The following MOB3B variants were observed in gnomAD, a reference collection of about 807,000 sequenced individuals.
The protein encoded by MOB3B is MOB kinase activator-like 2B.
In MOB3B, 7 loss-of-function variants were observed where a neutral mutation model predicts 18.7. The observed-to-expected ratio is 0.37, with a 90% CI of 0.21 to 0.70. The LOEUF is 0.70. Ranked by LOEUF, MOB3B falls within the 30% of genes least tolerant of loss-of-function variation. The pLI is 0.52. For missense variants in MOB3B, 253 were observed against 281.3 expected (o/e 0.90, Z 0.72); for synonymous variants, 111 against 99.9 (o/e 1.11, Z -0.66).
chr9:27,384,452 C>G (rs1163773623), intron 2 of MOB3B, among the ~76,000 whole-genome samples: 1 of 152,046 alleles, frequency 6.6e-6, no homozygotes, highest in Non-Finnish European at 1.5e-5. Flanking sequence ...AATCTCAATC[C>G]ATTCATCTTG....
intron 2 of MOB3B, among the ~76,000 whole-genome samples, chr9:27,426,644 C>T (rs1381824797): frequency 2.6e-5 from 4 of 152,224 alleles, no homozygotes; most frequent in African/African-American, 9.7e-5. Flanking sequence ...AGTCCAGGCT[C>T]AGCTGATATC....
chr9:27,492,134 G>A (rs1331378208), intron 1 of MOB3B, among the ~76,000 whole-genome samples: 1 of 152,160 alleles, frequency 6.6e-6, no homozygotes, highest in East Asian at 1.9e-4. Flanking sequence ...ATTGCTGTTT[G>A]TGCCTGTTTG....
intron 1 of MOB3B, chr9:27,524,749 A>G: frequency 6.2e-7 from 1 of 1,613,968 alleles, no homozygotes; most frequent in Non-Finnish European, 8.5e-7. Context: ...GAAAATGAAG[A>G]CATGAAAGAA....
chr9:27,347,562 G>A (rs1223698037), intron 3 of MOB3B, among the ~76,000 whole-genome samples: 1 of 152,170 alleles, frequency 6.6e-6, no homozygotes, highest in African/African-American at 2.4e-5. Flanking sequence ...GCCAGCAGGG[G>A]GTAACAAAAA....
At chr9:27,370,053 C>A (rs560437273) in intron 2 of MOB3B, among the ~76,000 whole-genome samples, 11 of 151,504 alleles carry the variant, frequency 7.3e-5, no homozygotes, top group African/African-American at 2.7e-4. Flanking sequence ...GGTGGTTCTC[C>A]ATATGTAATT....
chr9:27,446,236 C>T (rs1822690745), intron 2 of MOB3B, among the ~76,000 whole-genome samples: 1 of 151,048 alleles, frequency 6.6e-6, no homozygotes, highest in African/African-American at 2.4e-5. Flanking sequence ...GGGAATACAT[C>T]TTTTTTTTTA....
chr9:27,403,873 G>T (rs563404137), intron 2 of MOB3B, among the ~76,000 whole-genome samples: 2 of 152,126 alleles, frequency 1.3e-5, no homozygotes, highest in Non-Finnish European at 2.9e-5. Flanking sequence ...AATGTGTAAT[G>T]ATCACATAAG....
intron 3 of MOB3B, among the ~76,000 whole-genome samples, chr9:27,344,111 A>C (rs1820997424): frequency 6.6e-6 from 1 of 152,190 alleles, no homozygotes; most frequent in African/African-American, 2.4e-5. Flanking sequence ...GAAAGGAAAA[A>C]AAAAACATAG....
intron 2 of MOB3B, among the ~76,000 whole-genome samples, chr9:27,387,733 A>T (rs1222706278): frequency 6.6e-6 from 1 of 152,186 alleles, no homozygotes; most frequent in Non-Finnish European, 1.5e-5. Context: ...GAGTTATAGC[A>T]TCTCCTTGAC....
At chr9:27,487,175 C>T (rs547788294) in intron 1 of MOB3B, among the ~76,000 whole-genome samples, 91 of 62,938 alleles carry the variant, frequency 1.4e-3, no homozygotes, top group African/African-American at 4.7e-3. Context: ...TAATTCTTAG[C>T]GTTGGGAGGC....
chr9:27,497,317 T>C (rs1024020124), intron 1 of MOB3B, among the ~76,000 whole-genome samples: 9 of 152,180 alleles, frequency 5.9e-5, no homozygotes, highest in Non-Finnish European at 1.3e-4. Context: ...ATCACAACAT[T>C]GTTTAATATT....
At chr9:27,478,453 T>G (rs758995076) in intron 1 of MOB3B, among the ~76,000 whole-genome samples, 32 of 151,988 alleles carry the variant, frequency 2.1e-4, no homozygotes, top group Non-Finnish European at 3.8e-4. Context: ...CCATCCTTTA[T>G]GAACAAAGGG....
intron 1 of MOB3B, among the ~76,000 whole-genome samples, chr9:27,517,513 T>C (rs1820254503): frequency 6.6e-6 from 1 of 151,910 alleles, no homozygotes; most frequent in Admixed American, 6.6e-5. Flanking sequence ...CCGGGCGTAG[T>C]GGCACATGCC....
At chr9:27,415,504 C>T (rs1822131180) in intron 2 of MOB3B, among the ~76,000 whole-genome samples, 1 of 151,706 alleles carries the variant, frequency 6.6e-6, no homozygotes, top group Admixed American at 6.6e-5. Flanking sequence ...GTCTCTGAGT[C>T]TTCCCATTCA....
chr9:27,473,996 C>A (rs911054860), intron 1 of MOB3B, among the ~76,000 whole-genome samples: 2 of 152,194 alleles, frequency 1.3e-5, no homozygotes, highest in African/African-American at 2.4e-5. Context: ...AGAGGGCCCA[C>A]ACCAGAACCC....
intron 1 of MOB3B, 133 bp from the exon 2 acceptor site, chr9:27,455,881 A>G: frequency 2.4e-6 from 2 of 830,362 alleles, no homozygotes; most frequent in Non-Finnish European, 3.3e-6. Context: ...CATGGGGGTT[A>G]AGCCACTGCC....
At chr9:27,492,791 G>A (rs2253291) in intron 1 of MOB3B, among the ~76,000 whole-genome samples, 134,385 of 152,008 alleles carry the variant, frequency 0.88, 60,476 homozygotes, top group East Asian at 1. Flanking sequence ...TGTCTCCAAT[G>A]TTTGGGAGTC....
chr9:27,379,709 A>G (rs1164854184), intron 2 of MOB3B, among the ~76,000 whole-genome samples: 1 of 152,124 alleles, frequency 6.6e-6, no homozygotes, highest in African/African-American at 2.4e-5. Flanking sequence ...CCCAAATAAA[A>G]ACTACACAGT....
chr9:27,480,254 A>G (rs951471193), intron 1 of MOB3B, among the ~76,000 whole-genome samples: 1 of 151,016 alleles, frequency 6.6e-6, no homozygotes, highest in African/African-American at 2.4e-5. Flanking sequence ...CTCCTGCCTC[A>G]GTCTCTCAAG....
Sources: gnomAD v4.1 joint callset for allele counts (sites outside exome capture counted in the v4.1 genomes callset) on GRCh38, gnomAD v4.1.1 for gene constraint, MANE v1.5 for transcripts, NCBI Gene and HGNC (gene_info 2026-07-23, HGNC 2026-07-21) for gene names.